AFF4: variants seen among roughly 807,000 people sequenced by gnomAD.
The protein encoded by AFF4 is AF4/FMR2 family member 4.
In AFF4, 13 loss-of-function variants were observed where a neutral mutation model predicts 124.8. That is an observed-to-expected ratio of 0.10 (90% CI 0.07 to 0.17). AFF4 has a LOEUF of 0.17. Among genes scored for constraint, AFF4 ranks in the 10% least tolerant of loss-of-function variants. The pLI, the probability that AFF4 is intolerant of heterozygous loss-of-function variation, is 1.00. For missense variants in AFF4, 1,092 were observed against 1,403.8 expected (o/e 0.78, Z 3.55); for synonymous variants, 477 against 496.1 (o/e 0.96, Z 0.51).
chr5:132,902,011 C>T (rs1424466679), intron 7 of AFF4, among the ~76,000 whole-genome samples: 1 of 152,132 alleles, frequency 6.6e-6, no homozygotes, highest in African/African-American at 2.4e-5. Context: ...TGACCCTTTA[C>T]ATAAAAATTT....
intron 19 of AFF4, among the ~76,000 whole-genome samples, chr5:132,884,056 T>C (rs1213875522): frequency 6.6e-6 from 1 of 152,166 alleles, no homozygotes; most frequent in African/African-American, 2.4e-5. Context: ...GAGGTACAGC[T>C]CTCTCAAGCA....
chr5:132,937,894 G>C (rs1421995879), intron 1 of AFF4, among the ~76,000 whole-genome samples: 1 of 152,170 alleles, frequency 6.6e-6, no homozygotes, highest in African/African-American at 2.4e-5. Flanking sequence ...TTTGGAGTGA[G>C]GGGAAAATGG....
At position 132,880,790 on chromosome 5, in the gene AFF4, T is replaced by C. The variant is rs1368099950; in HGVS notation, c.*269A>G. ...CAATTCATTAGTTATGAATTGCAAC[T>C]GGAATTTCAATCTTATCATAGCTCA... On this transcript the variant is annotated 3_prime_UTR_variant, in exon 21 of 21. Coordinates refer to ENST00000265343, the MANE Select transcript of AFF4 (RefSeq NM_014423.4). 2 of 322,288 alleles carry C rather than the reference T, an allele frequency of 6.2e-6. No individual in the cohort carries two copies. Among genetic ancestry groups the C allele is most frequent in the Non-Finnish European group, 1.1e-5 (2 of 179,132 alleles). 20.0% of individuals were successfully genotyped at this position (322,288 alleles called of 1,614,324 possible).
chr5:132,890,249 TA>T lies in AFF4; in HGVS notation c.2638-1077del, dbSNP rs537176290. On this transcript the variant is annotated intron_variant, in intron 13 of 20. Coordinates refer to ENST00000265343, the MANE Select transcript of AFF4 (RefSeq NM_014423.4). Reference sequence around the variant, plus strand: ...ATATTATGTTGTACTGTAACATTACTAGGATAGCTTTTCCTCTGTTTTATTT... The same window carrying T: ...ATATTATGTTGTACTGTAACATTACTGGATAGCTTTTCCTCTGTTTTATTT... 1.8e-3 allele frequency among the ~76,000 whole-genome samples: 269 copies of T among 152,126 alleles called. 2 individuals are homozygous for T. Among genetic ancestry groups the T allele is most frequent in the African/African-American group, 6.2e-3 (259 of 41,534 alleles).
intron 8 of AFF4, 107 bp downstream of exon 8, chr5:132,899,480 A>C (rs1760493876): frequency 9.8e-7 from 1 of 1,018,326 alleles, no homozygotes. Context: ...CAGAAAGCTT[A>C]TAAGAAACTT....
intron 1 of AFF4, among the ~76,000 whole-genome samples, chr5:132,941,276 G>C (rs950798595): frequency 6.6e-6 from 1 of 152,044 alleles, no homozygotes; most frequent in Non-Finnish European, 1.5e-5. Flanking sequence ...TGTCAAACGG[G>C]CAAAACTATT....
At chr5:132,904,231 A>C in intron 6 of AFF4, 137 bp downstream of exon 6, 1 of 799,170 alleles carries the variant, frequency 1.3e-6, no homozygotes. Context: ...CACTCCAGAA[A>C]AAAAAAAAAA....
rs1561473296 is a variant in AFF4, at chr5:132,875,510, A to C, written c.*5549T>G. ...AGTTAAAAAGATCTTTACAAATTGA[A>C]ATGTGATACCCTTGTCTCCAAATAT... On this transcript the variant is annotated 3_prime_UTR_variant, in exon 21 of 21. Coordinates refer to ENST00000265343, the MANE Select transcript of AFF4 (RefSeq NM_014423.4). 1 of 188,798 alleles carries C rather than the reference A, an allele frequency of 5.3e-6. No homozygotes were observed. The highest frequency in any genetic ancestry group is 8.5e-5 in the East Asian group (1 of 11,736). The allele number at this position is 188,798 out of a possible 1,614,324, so 11.7% of individuals were successfully genotyped here.
Position 132,880,593 on chromosome 5 carries a change from A to G in AFF4, c.*466T>C, listed in dbSNP as rs1459033592. On this transcript the variant is annotated 3_prime_UTR_variant, in exon 21 of 21. Transcript: ENST00000265343. Reference sequence around the variant, plus strand: ...TAGACGAACCAATTCTTACTCTTAGAACAGCTACCACAAAAAGATATTAGG... The same window carrying G: ...TAGACGAACCAATTCTTACTCTTAGGACAGCTACCACAAAAAGATATTAGG... 2.7e-6 allele frequency: 1 copy of G among 368,804 alleles called. No homozygotes were observed. The highest frequency in any genetic ancestry group is 4.8e-6 in the Non-Finnish European group (1 of 207,484). The allele number at this position is 368,804 out of a possible 1,614,324, so 22.8% of individuals were successfully genotyped here.
intron 13 of AFF4, among the ~76,000 whole-genome samples, chr5:132,889,594 CATT>C (rs1760203944): frequency 6.6e-6 from 1 of 152,170 alleles, no homozygotes; most frequent in South Asian, 2.1e-4. Flanking sequence ...AAGTACTTAG[CATT>C]ATTGTTAATC....
chr5:132,955,015 T>C (rs1022643442), intron 1 of AFF4, among the ~76,000 whole-genome samples: 1 of 152,058 alleles, frequency 6.6e-6, no homozygotes, highest in Admixed American at 6.6e-5. Flanking sequence ...ATGCAGAGAT[T>C]GTATTGAGTG....
At chr5:132,932,140 A>G in intron 4 of AFF4, 38 bp downstream of exon 4, 1 of 1,518,300 alleles carries the variant, frequency 6.6e-7, no homozygotes, top group Non-Finnish European at 9.0e-7. Context: ...AGCATAAAAA[A>G]TTAAAGAAAT....
intron 14 of AFF4, among the ~76,000 whole-genome samples, chr5:132,888,557 T>G (rs1365895410): frequency 6.6e-6 from 1 of 152,222 alleles, no homozygotes; most frequent in Non-Finnish European, 1.5e-5. Context: ...ATTCTTCTAC[T>G]GGAAGGCAGA....
chr5:132,881,045 A>C lies in AFF4; in HGVS notation c.*14T>G, dbSNP rs760394538. 2.2e-5 allele frequency: 35 copies of C among 1,609,024 alleles called. No homozygotes were observed. Among genetic ancestry groups the C allele is most frequent in the Non-Finnish European group, 2.5e-5 (30 of 1,178,510 alleles). Reference sequence around the variant, plus strand: ...GTTGTGGAGAAAATCAGAGGCAACGAGAATGTGTTCAGTTCAAGATATCAA... The same window carrying C: ...GTTGTGGAGAAAATCAGAGGCAACGCGAATGTGTTCAGTTCAAGATATCAA... On this transcript the variant is annotated 3_prime_UTR_variant, in exon 21 of 21. Coordinates refer to ENST00000265343, the MANE Select transcript of AFF4 (RefSeq NM_014423.4).
At chr5:132,893,154 T>C (rs759474315) in intron 11 of AFF4, 36 bp from the exon 12 acceptor site, 14 of 1,559,962 alleles carry the variant, frequency 9.0e-6, no homozygotes, top group East Asian at 2.2e-5. Flanking sequence ...CTGATTTTTA[T>C]TCAACTAACT....
intron 19 of AFF4, among the ~76,000 whole-genome samples, chr5:132,884,094 A>G (rs1760054771): frequency 6.6e-6 from 1 of 152,206 alleles, no homozygotes; most frequent in South Asian, 2.1e-4. Flanking sequence ...CTTCCTGCCA[A>G]TTAAATATTT....
chr5:132,876,891 A>C lies in AFF4; in HGVS notation c.*4168T>G, dbSNP rs1391885484. On this transcript the variant is annotated 3_prime_UTR_variant, in exon 21 of 21. Transcript: ENST00000265343. ...CGAGTATCTGAAAGACATGCTCACA[A>C]ACATGAAAAATTTGGCCTCTTCTCA... 1 of 197,894 alleles carries C rather than the reference A, an allele frequency of 5.1e-6. No individual in the cohort carries two copies. Among genetic ancestry groups the C allele is most frequent in the Admixed American group, 6.1e-5 (1 of 16,518 alleles). 12.3% of individuals were successfully genotyped at this position (197,894 alleles called of 1,614,324 possible). A position where few individuals can be genotyped will look rare whatever the true frequency, so the allele number is the denominator to read the frequency against.
intron 1 of AFF4, among the ~76,000 whole-genome samples, chr5:132,939,274 TATGTATACAATTTTCTAATAAGCTTA>T (rs1032818907): frequency 3.9e-5 from 6 of 152,082 alleles, no homozygotes; most frequent in Non-Finnish European, 7.3e-5. Context: ...AATTGTTTTG[TATGTATACAATTTTCTAATAAGCTTA>T]ATGTATACAA....
chr5:132,892,638 A>G (rs1370102311), intron 12 of AFF4, among the ~76,000 whole-genome samples: 3 of 152,226 alleles, frequency 2.0e-5, no homozygotes, highest in Non-Finnish European at 4.4e-5. Flanking sequence ...ACCACTCAGT[A>G]GTACTCAATA....
Sources: gnomAD v4.1 joint callset for allele counts (sites outside exome capture counted in the v4.1 genomes callset) on GRCh38, gnomAD v4.1.1 for gene constraint, MANE v1.5 for transcripts, NCBI Gene and HGNC (gene_info 2026-07-23, HGNC 2026-07-21) for gene names.